DPP10: variants seen among roughly 807,000 people sequenced by gnomAD.
The protein encoded by DPP10 is inactive dipeptidyl peptidase 10.
DPP10 carries 33 observed loss-of-function variants against 120.9 expected under a neutral mutation model. The observed-to-expected ratio is 0.27, with a 90% CI of 0.21 to 0.37. The LOEUF (loss-of-function observed/expected upper bound fraction) is 0.37. DPP10 is among the 10% of genes least tolerant of loss of function. The probability of loss-of-function intolerance (pLI) is 1.00; values close to 1 mark genes in which losing one functional copy is unlikely to be tolerated. For synonymous variants in DPP10, 337 were observed against 326.1 expected (o/e 1.03, Z -0.36); for missense variants, 816 against 942.8 (o/e 0.87, Z 1.76).
chr2:115,278,763 G>A (rs973296715), intron 1 of DPP10, among the ~76,000 whole-genome samples: 6 of 151,956 alleles, frequency 3.9e-5, no homozygotes, highest in Admixed American at 1.3e-4. Context: ...TAAGGAATCC[G>A]TCCCCATGAC....
intron 5 of DPP10, among the ~76,000 whole-genome samples, chr2:115,581,896 G>A (rs181513823): frequency 2.6e-5 from 4 of 152,224 alleles, no homozygotes; most frequent in East Asian, 1.9e-4. Flanking sequence ...GGCGTTACCA[G>A]TGGCAACTCC....
chr2:114,749,600 T>TTTATTTTATTTTATTTTATA (rs1679003937), intron 1 of DPP10, among the ~76,000 whole-genome samples: 1 of 150,694 alleles, frequency 6.6e-6, no homozygotes, highest in Non-Finnish European at 1.5e-5. Flanking sequence ...TTTATTTTAT[T>TTTATTTTATTTTATTTTATA]TTTTGAGACA....
At chr2:114,734,095 G>A (rs564595600) in intron 1 of DPP10, among the ~76,000 whole-genome samples, 1 of 152,166 alleles carries the variant, frequency 6.6e-6, no homozygotes, top group Admixed American at 6.5e-5. Flanking sequence ...TATGAGACAA[G>A]GAAGAAAATA....
intron 1 of DPP10, among the ~76,000 whole-genome samples, chr2:114,547,413 C>G (rs141514351): frequency 6.6e-6 from 1 of 152,154 alleles, no homozygotes; most frequent in African/African-American, 2.4e-5. Flanking sequence ...CAAAAGCACA[C>G]CATGCAGGTC....
chr2:115,768,166 AAAT>A, intron 12 of DPP10, 128 bp from the exon 13 acceptor site: 2 of 722,078 alleles, frequency 2.8e-6, no homozygotes, highest in Non-Finnish European at 4.3e-6. Context: ...CATTTTTTTA[AAAT>A]AATGTGCCCA....
At chr2:115,392,817 A>G (rs1574688443) in intron 3 of DPP10, among the ~76,000 whole-genome samples, 1 of 152,190 alleles carries the variant, frequency 6.6e-6, no homozygotes, top group East Asian at 1.9e-4. Flanking sequence ...GTTTTTCAGT[A>G]TGGTGAAAAC....
At chr2:115,036,843 A>G (rs1047221656) in intron 1 of DPP10, among the ~76,000 whole-genome samples, 2 of 152,208 alleles carry the variant, frequency 1.3e-5, no homozygotes, top group African/African-American at 4.8e-5. Flanking sequence ...CTGCATTAGA[A>G]TCGAATTAAA....
At chr2:114,498,300 A>G (rs1429471130) in intron 1 of DPP10, among the ~76,000 whole-genome samples, 1 of 152,026 alleles carries the variant, frequency 6.6e-6, no homozygotes, top group Non-Finnish European at 1.5e-5. Flanking sequence ...TACCCTTTGA[A>G]CAACAGCTCC....
intron 1 of DPP10, among the ~76,000 whole-genome samples, chr2:114,602,109 A>T (rs1573765732): frequency 6.6e-6 from 1 of 151,880 alleles, no homozygotes; most frequent in South Asian, 2.1e-4. Context: ...AATATTAAGT[A>T]TATTTTCATA....
intron 1 of DPP10, among the ~76,000 whole-genome samples, chr2:114,570,689 C>T (rs1226919688): frequency 2.8e-4 from 43 of 151,270 alleles, no homozygotes; most frequent in African/African-American, 7.5e-4. Flanking sequence ...AAAAATTAGC[C>T]GGGCGTGGTG....
intron 4 of DPP10, among the ~76,000 whole-genome samples, chr2:115,521,740 G>A (rs991558059): frequency 4.0e-5 from 6 of 151,630 alleles, no homozygotes; most frequent in Non-Finnish European, 7.4e-5. Flanking sequence ...TCATGAACTC[G>A]AGATGTCATC....
chr2:115,378,618 C>T (rs1279431425), intron 3 of DPP10, among the ~76,000 whole-genome samples: 1 of 149,962 alleles, frequency 6.7e-6, no homozygotes, highest in Non-Finnish European at 1.5e-5. Context: ...AGAGGACATC[C>T]CTGTCTTGTG....
chr2:115,835,690 T>C (rs1017073176), intron 21 of DPP10, among the ~76,000 whole-genome samples: 2 of 152,180 alleles, frequency 1.3e-5, no homozygotes, highest in African/African-American at 4.8e-5. Context: ...ATTAAAACAA[T>C]CTAAATTTTT....
intron 21 of DPP10, among the ~76,000 whole-genome samples, chr2:115,827,311 A>G (rs1688425122): frequency 8.3e-6 from 1 of 120,930 alleles, no homozygotes; most frequent in African/African-American, 3.0e-5. Flanking sequence ...ATATATATAC[A>G]CATGTACATG....
At chr2:115,439,742 A>T (rs559112740) in intron 3 of DPP10, among the ~76,000 whole-genome samples, 1 of 152,296 alleles carries the variant, frequency 6.6e-6, no homozygotes, top group Admixed American at 6.5e-5. Context: ...ATTACCACAC[A>T]TGTATTTATT....
intron 1 of DPP10, among the ~76,000 whole-genome samples, chr2:115,273,527 G>C (rs1034814013): frequency 3.3e-5 from 5 of 152,068 alleles, no homozygotes; most frequent in African/African-American, 7.2e-5. Context: ...TAGTAGAGAT[G>C]GGTTTTCACC....
At chr2:114,796,496 A>G (rs2106260537) in intron 1 of DPP10, among the ~76,000 whole-genome samples, 1 of 152,120 alleles carries the variant, frequency 6.6e-6, no homozygotes. Context: ...CATACAAAAT[A>G]TGTGTTAGTC....
At chr2:114,622,600 A>G (rs1694185488) in intron 1 of DPP10, among the ~76,000 whole-genome samples, 1 of 152,026 alleles carries the variant, frequency 6.6e-6, no homozygotes, top group Non-Finnish European at 1.5e-5. Flanking sequence ...TCTTCCCATC[A>G]ACTCTAGGGG....
chr2:114,723,308 A>G (rs2105914085), intron 1 of DPP10, among the ~76,000 whole-genome samples: 1 of 152,326 alleles, frequency 6.6e-6, no homozygotes, highest in African/African-American at 2.4e-5. Context: ...AGTCAGCACC[A>G]TATTGGGAAT....
Sources: allele counts gnomAD v4.1 joint callset (sites outside exome capture counted in the v4.1 genomes callset), GRCh38; gene constraint gnomAD v4.1.1; transcripts MANE v1.5; gene names NCBI Gene and HGNC (gene_info 2026-07-23, HGNC 2026-07-21).